CDH13: variants seen among roughly 807,000 people sequenced by gnomAD.
CDH13 encodes the protein cadherin 13, also known as cadherin-13.
A neutral mutation model predicts 63.8 loss-of-function variants in CDH13; 24 were observed. The ratio of observed to expected loss-of-function variants is 0.38; its 90% CI spans 0.27 to 0.53. CDH13 has a LOEUF of 0.53. Ranked by LOEUF, CDH13 falls within the 20% of genes least tolerant of loss-of-function variation. The pLI is 0.85. For synonymous variants in CDH13, 503 were observed against 355.3 expected (o/e 1.42, Z -4.67); for missense variants, 1,049 against 903.1 (o/e 1.16, Z -2.07).
intron 2 of CDH13, among the ~76,000 whole-genome samples, chr16:82,912,774 T>G (rs1008971867): frequency 6.6e-6 from 1 of 152,060 alleles, no homozygotes; most frequent in Non-Finnish European, 1.5e-5. Flanking sequence ...AAACCCCGTC[T>G]CTACTAAAAA....
At chr16:82,671,213 A>G (rs1913203725) in intron 1 of CDH13, among the ~76,000 whole-genome samples, 1 of 152,236 alleles carries the variant, frequency 6.6e-6, no homozygotes, top group South Asian at 2.1e-4. Flanking sequence ...AAAAAAGAAC[A>G]CAACTGTGTA....
chr16:82,856,385 A>AAAAAAG lies in CDH13; in HGVS notation c.46-1973_46-1972insAGAAAA, dbSNP rs1555530562. Among the ~76,000 whole-genome samples the AAAAAAG allele has an allele frequency of 3.3e-3, 313 of 95,250 alleles. 1 individual carries two copies. The highest frequency in any genetic ancestry group is 8.3e-3 in the African/African-American group (226 of 27,250). 62.5% of individuals were successfully genotyped at this position (95,250 alleles called of 152,430 possible). ...GAGAGACTCCATCTCAAAAAAAAAA[A>AAAAAAG]AAAAGAAAAGAAAAGAAAAGAAAAG... On this transcript the variant is annotated intron_variant, in intron 1 of 13. Transcript: ENST00000567109.
At chr16:83,007,139 C>T (rs911290887) in intron 2 of CDH13, among the ~76,000 whole-genome samples, 7 of 152,086 alleles carry the variant, frequency 4.6e-5, no homozygotes, top group Non-Finnish European at 1.0e-4. Context: ...TCAGGCTGGT[C>T]TTGAACTCTC....
At chr16:83,453,333 C>T (rs1598055532) in intron 6 of CDH13, among the ~76,000 whole-genome samples, 1 of 151,858 alleles carries the variant, frequency 6.6e-6, no homozygotes, top group South Asian at 2.1e-4. Context: ...GCTCAGGTAA[C>T]CAAATACCAC....
At chr16:82,849,037 T>C (rs763714290) in intron 1 of CDH13, among the ~76,000 whole-genome samples, 1 of 152,166 alleles carries the variant, frequency 6.6e-6, no homozygotes, top group Non-Finnish European at 1.5e-5. Context: ...TCTGAATAGA[T>C]GATCAAACCA....
At chr16:83,514,245 T>C (rs958766550) in intron 7 of CDH13, among the ~76,000 whole-genome samples, 1 of 152,236 alleles carries the variant, frequency 6.6e-6, no homozygotes, top group African/African-American at 2.4e-5. Flanking sequence ...CAAATTCATG[T>C]CTACCCAGAA....
At chr16:83,768,335 T>C (rs1358676297) in intron 11 of CDH13, among the ~76,000 whole-genome samples, 2 of 152,268 alleles carry the variant, frequency 1.3e-5, no homozygotes, top group East Asian at 3.9e-4. Flanking sequence ...TTTCATGAAA[T>C]AAAATCCCTG....
At chr16:83,129,654 C>A (rs1174642348) in intron 4 of CDH13, among the ~76,000 whole-genome samples, 1 of 152,210 alleles carries the variant, frequency 6.6e-6, no homozygotes, top group Non-Finnish European at 1.5e-5. Context: ...TGGAGGGCCG[C>A]TTCCAGGGGT....
chr16:82,998,828 T>A (rs76998155), intron 2 of CDH13, among the ~76,000 whole-genome samples: 7,271 of 150,882 alleles, frequency 0.048, 213 homozygotes, highest in African/African-American at 0.073. Flanking sequence ...TAAGCCTGAC[T>A]TAAGAAACGC....
At chr16:83,607,151 C>T (rs1003546614) in intron 8 of CDH13, among the ~76,000 whole-genome samples, 1 of 152,142 alleles carries the variant, frequency 6.6e-6, no homozygotes, top group African/African-American at 2.4e-5. Context: ...GGCACGGTGG[C>T]TCACACCTGT....
At chr16:83,273,648 G>T (rs1180035574) in intron 5 of CDH13, among the ~76,000 whole-genome samples, 1 of 152,144 alleles carries the variant, frequency 6.6e-6, no homozygotes, top group African/African-American at 2.4e-5. Context: ...CCATTTAAAA[G>T]CAGCCACAAA....
chr16:82,928,885 G>A (rs1422437876), intron 2 of CDH13, among the ~76,000 whole-genome samples: 4 of 152,162 alleles, frequency 2.6e-5, no homozygotes, highest in African/African-American at 9.7e-5. Context: ...CCATTCTTCT[G>A]TGTATTGATA....
chr16:83,297,238 C>G (rs1452827837), intron 5 of CDH13, among the ~76,000 whole-genome samples: 1 of 152,026 alleles, frequency 6.6e-6, no homozygotes, highest in East Asian at 1.9e-4. Flanking sequence ...TTTGAATGCT[C>G]TCAACACAAA....
chr16:82,658,157 A>G (rs1015190224), intron 1 of CDH13, among the ~76,000 whole-genome samples: 1 of 152,192 alleles, frequency 6.6e-6, no homozygotes, highest in African/African-American at 2.4e-5. Context: ...ATCTATTGAT[A>G]TGTGCATGTG....
chr16:83,334,621 C>T (rs922596693), intron 5 of CDH13, among the ~76,000 whole-genome samples: 4 of 152,052 alleles, frequency 2.6e-5, no homozygotes, highest in Non-Finnish European at 5.9e-5. Flanking sequence ...ATCATTCCTC[C>T]CGCCTTAGCC....
intron 7 of CDH13, among the ~76,000 whole-genome samples, chr16:83,588,563 T>C (rs1906405544): frequency 1.3e-5 from 2 of 152,124 alleles, no homozygotes; most frequent in South Asian, 4.2e-4. Context: ...ATGGCAGGAA[T>C]AAGTTAAAGA....
At chr16:83,593,043 G>C (rs931054089) in intron 7 of CDH13, among the ~76,000 whole-genome samples, 1 of 152,164 alleles carries the variant, frequency 6.6e-6, no homozygotes, top group Non-Finnish European at 1.5e-5. Context: ...TCAAACTCCA[G>C]ACAGACAACA....
In CDH13 at chr16:82,894,175, G is replaced by A. The variant is rs561346752; in HGVS notation, c.157+35702G>A. ...CAGTTTTGTTCTCCAGGCTGGTCTC[G>A]AACTCCTGGGCTCAAGCAATCCACC... On this transcript the variant is annotated intron_variant, in intron 2 of 13. Coordinates refer to ENST00000567109, the MANE Select transcript of CDH13 (RefSeq NM_001257.5). 7.2e-5 allele frequency among the ~76,000 whole-genome samples: 11 copies of A among 152,166 alleles called. No homozygotes were observed. In the South Asian group the frequency reaches 2.1e-3, roughly 29 times the overall value.
At chr16:83,114,753 G>T (rs1245978582) in intron 3 of CDH13, among the ~76,000 whole-genome samples, 2 of 152,170 alleles carry the variant, frequency 1.3e-5, no homozygotes, top group African/African-American at 4.8e-5. Flanking sequence ...TCTTCCTTAA[G>T]TAGGCAAACT....
Sources: gnomAD v4.1 joint callset for allele counts (sites outside exome capture counted in the v4.1 genomes callset) on GRCh38, gnomAD v4.1.1 for gene constraint, MANE v1.5 for transcripts, NCBI Gene and HGNC (gene_info 2026-07-23, HGNC 2026-07-21) for gene names.